Variants in ADAM18 observed in about 807,000 individuals in gnomAD.
The protein encoded by ADAM18 is ADAM metallopeptidase domain 18.
A neutral mutation model predicts 94.4 loss-of-function variants in ADAM18; 117 were observed. The observed-to-expected ratio is 1.24, with a 90% CI of 1.07 to 1.45. ADAM18 has a LOEUF of 1.45. Ranked by LOEUF, ADAM18 falls within the 40% of genes most tolerant of loss-of-function variation. The pLI is 0.00. For missense variants in ADAM18, 936 were observed against 880.0 expected, an observed-to-expected ratio of 1.06 and a Z score of -0.81; for synonymous variants, 327 against 291.6, an observed-to-expected ratio of 1.12 and a Z score of -1.24.
chr8:39,605,960 G>C (rs1819069563), intron 2 of ADAM18, among the ~76,000 whole-genome samples: 1 of 152,012 alleles, frequency 6.6e-6, no homozygotes, highest in African/African-American at 2.4e-5. Flanking sequence ...GTGATGTTTG[G>C]TTTTCTATTC....
At chr8:39,598,556 C>T (rs1440133950) in intron 2 of ADAM18, among the ~76,000 whole-genome samples, 2 of 151,870 alleles carry the variant, frequency 1.3e-5, no homozygotes, top group African/African-American at 4.8e-5. Context: ...TCATCTGAGG[C>T]TAGGAGTTCG....
chr8:39,614,468 G>A (rs1323404311), intron 6 of ADAM18, among the ~76,000 whole-genome samples: 2 of 152,122 alleles, frequency 1.3e-5, no homozygotes, highest in Non-Finnish European at 2.9e-5. Flanking sequence ...AGGCCCTTAA[G>A]GGAATGCTAA....
At chr8:39,632,922 A>C (rs1290036142) in intron 7 of ADAM18, among the ~76,000 whole-genome samples, 1 of 152,168 alleles carries the variant, frequency 6.6e-6, no homozygotes, top group African/African-American at 2.4e-5. Flanking sequence ...CCCCTTCATA[A>C]TTCATGTATT....
At chr8:39,614,042 G>A (rs1819360587) in intron 6 of ADAM18, among the ~76,000 whole-genome samples, 1 of 152,074 alleles carries the variant, frequency 6.6e-6, no homozygotes, top group Non-Finnish European at 1.5e-5. Context: ...CAAGCAACTT[G>A]GAAAACATAT....
At chr8:39,718,917 C>G (rs1173931395) in intron 18 of ADAM18, among the ~76,000 whole-genome samples, 1 of 151,318 alleles carries the variant, frequency 6.6e-6, no homozygotes, top group Non-Finnish European at 1.5e-5. Context: ...GCAGAAATCT[C>G]TAAATTTGTT....
chr8:39,652,222 T>A (rs1820559296), intron 12 of ADAM18, among the ~76,000 whole-genome samples: 1 of 152,028 alleles, frequency 6.6e-6, no homozygotes, highest in East Asian at 1.9e-4. Flanking sequence ...CTAAAAAGCT[T>A]CTACACAACA....
In ADAM18 at chr8:39,673,740, G is replaced by C. The variant is rs1413073507; in HGVS notation, c.1526-3691G>C. On this transcript the variant is annotated intron_variant, in intron 14 of 19. Transcript: ENST00000265707. ...AAGGTGTCGATTTTAGATCTTTCCT[G>C]CTTTCTCTTGTGGGCATTTAGTGCT... Among the ~76,000 whole-genome samples, 4 of 152,226 alleles carry C rather than the reference G, an allele frequency of 2.6e-5. No individual in the cohort carries two copies. In the East Asian group the frequency reaches 7.7e-4, roughly 29 times the overall value.
At chr8:39,720,309 G>A (rs1822711663) in intron 18 of ADAM18, among the ~76,000 whole-genome samples, 1 of 151,388 alleles carries the variant, frequency 6.6e-6, no homozygotes, top group South Asian at 2.1e-4. Flanking sequence ...TGTGTGGGGA[G>A]TAGCAACATG....
At chr8:39,717,175 A>G (rs573206591) in intron 18 of ADAM18, among the ~76,000 whole-genome samples, 2 of 151,762 alleles carry the variant, frequency 1.3e-5, no homozygotes, top group Non-Finnish European at 2.9e-5. Flanking sequence ...TATAAAGTCC[A>G]TTTTAAGCCA....
chr8:39,681,880 C>T (rs1287635509), intron 16 of ADAM18, among the ~76,000 whole-genome samples: 5 of 152,066 alleles, frequency 3.3e-5, no homozygotes, highest in Non-Finnish European at 7.4e-5. Context: ...TAGCTTCTGA[C>T]CCCTTCTAGC....
intron 6 of ADAM18, among the ~76,000 whole-genome samples, chr8:39,616,104 A>G (rs1819430880): frequency 6.6e-6 from 1 of 152,134 alleles, no homozygotes; most frequent in African/African-American, 2.4e-5. Flanking sequence ...GGAAGGAAGG[A>G]TCAATATTGT....
intron 18 of ADAM18, among the ~76,000 whole-genome samples, chr8:39,710,341 A>T (rs951970499): frequency 6.6e-6 from 1 of 152,224 alleles, no homozygotes; most frequent in Non-Finnish European, 1.5e-5. Context: ...CTAAGGCAAT[A>T]TATATTTTTC....
chr8:39,648,940 C>G (rs1328636499), intron 12 of ADAM18, among the ~76,000 whole-genome samples: 2 of 151,934 alleles, frequency 1.3e-5, no homozygotes, highest in African/African-American at 4.8e-5. Flanking sequence ...TTTTTAAATC[C>G]TTCTCAGACA....
chr8:39,609,651 A>C, intron 5 of ADAM18, 90 bp downstream of exon 5: 2 of 840,692 alleles, frequency 2.4e-6, no homozygotes, highest in Non-Finnish European at 3.7e-6. Context: ...AAATCATGGA[A>C]GTTTAAGGGA....
chr8:39,680,740 G>T (rs1821434642), intron 16 of ADAM18, among the ~76,000 whole-genome samples: 2 of 152,104 alleles, frequency 1.3e-5, no homozygotes, highest in Admixed American at 1.3e-4. Flanking sequence ...CATAAAAAGA[G>T]AACAAAAAGG....
chr8:39,667,882 T>G, intron 13 of ADAM18, 116 bp from the exon 14 acceptor site: 2 of 1,043,706 alleles, frequency 1.9e-6, no homozygotes. Context: ...ACTTGGGAAC[T>G]CTGGTGTTCC....
At chr8:39,709,418 A>G (rs1458348975) in intron 18 of ADAM18, among the ~76,000 whole-genome samples, 3 of 152,144 alleles carry the variant, frequency 2.0e-5, no homozygotes, top group African/African-American at 7.2e-5. Context: ...GAATAGGACC[A>G]TGGGTGGTTT....
intron 16 of ADAM18, among the ~76,000 whole-genome samples, chr8:39,690,091 G>A (rs1821728914): frequency 6.6e-6 from 1 of 152,222 alleles, no homozygotes; most frequent in Admixed American, 6.5e-5. Context: ...TTGTTTATCA[G>A]CTTAGGAAGC....
At chr8:39,597,167 A>G (rs763205364) in intron 2 of ADAM18, among the ~76,000 whole-genome samples, 2 of 152,064 alleles carry the variant, frequency 1.3e-5, no homozygotes, top group Admixed American at 6.5e-5. Flanking sequence ...AGTTGTTTAG[A>G]TATTTTGGTC....
Sources: gnomAD v4.1 joint callset for allele counts (sites outside exome capture counted in the v4.1 genomes callset) on GRCh38, gnomAD v4.1.1 for gene constraint, MANE v1.5 for transcripts, NCBI Gene and HGNC (gene_info 2026-07-23, HGNC 2026-07-21) for gene names.